Variants in CDH19 observed in about 807,000 individuals in gnomAD.
CDH19 encodes cadherin 19.
Under a neutral mutation model 64.2 loss-of-function variants are expected in CDH19, and 67 were observed. The ratio of observed to expected loss-of-function variants is 1.04; its 90% CI spans 0.86 to 1.28. The LOEUF (loss-of-function observed/expected upper bound fraction) is 1.28. Among genes scored for constraint, CDH19 ranks in the 50% most tolerant of loss-of-function variants. CDH19 has a pLI of 0.00. For missense variants in CDH19, 1,030 were observed against 929.0 expected (o/e 1.11, Z -1.41); for synonymous variants, 346 against 319.3 (o/e 1.08, Z -0.89).
chr18:66,516,326 T>C (rs1985735435), intron 9 of CDH19, among the ~76,000 whole-genome samples: 1 of 152,008 alleles, frequency 6.6e-6, no homozygotes, highest in Non-Finnish European at 1.5e-5. Context: ...GTCATGATCC[T>C]ATTGAACAAC....
intron 1 of CDH19, among the ~76,000 whole-genome samples, chr18:66,579,082 G>A (rs1490544446): frequency 6.6e-6 from 1 of 151,870 alleles, no homozygotes; most frequent in Non-Finnish European, 1.5e-5. Context: ...GAAAGTCTTA[G>A]AAGTAGAAAT....
In CDH19 at chr18:66,532,959, A is replaced by G. The variant is rs191766932; in HGVS notation, c.1336+2027T>C. Among the ~76,000 whole-genome samples the G allele has an allele frequency of 3.9e-5, 6 of 152,198 alleles. No homozygotes were observed. The East Asian group carries it at 1.2e-3, about 29-fold the overall frequency. On this transcript the variant is annotated intron_variant, in intron 8 of 11. Coordinates refer to ENST00000262150, the MANE Select transcript of CDH19 (RefSeq NM_021153.4). ...TGAGAACATGTATATATTGGATTGC[A>G]CCTGCTTGACCACATAAAAAGGTGA...
At position 66,551,268 on chromosome 18, in the gene CDH19, TATA is replaced by T. The variant is rs1455000117; in HGVS notation, c.611-13_611-11del. ...GATATTCTTATGACTCCTTTAAAAA[TATA>T]ATAAAATTCCAATTATTTCATTATT... On this transcript the variant is annotated splice_polypyrimidine_tract_variant and intron_variant, in intron 4 of 11. Coordinates refer to ENST00000262150, the MANE Select transcript of CDH19 (RefSeq NM_021153.4). 1 of 1,257,756 alleles carries T rather than the reference TATA, an allele frequency of 8.0e-7. No homozygotes were observed. Among genetic ancestry groups the T allele is most frequent in the Non-Finnish European group, 1.2e-6 (1 of 866,342 alleles). The allele number at this position is 1,257,756 out of a possible 1,614,324, so 77.9% of individuals were successfully genotyped here.
At chr18:66,571,788 C>A (rs1433967440) in intron 2 of CDH19, among the ~76,000 whole-genome samples, 1 of 151,512 alleles carries the variant, frequency 6.6e-6, no homozygotes, top group Non-Finnish European at 1.5e-5. Context: ...CATTTTCATA[C>A]GGGATACTGA....
chr18:66,544,714 T>A lies in CDH19; in HGVS notation c.960+5A>T, dbSNP rs1987034437. 1.9e-6 allele frequency: 3 copies of A among 1,582,830 alleles called. No individual in the cohort carries two copies. The highest frequency in any genetic ancestry group is 2.7e-5 in the African/African-American group (2 of 74,098). ...CTGCAAGGCAAATAATTTTAACATG[T>A]CTACCTTTTTTAATATAACTATTCC... On this transcript the variant is annotated splice_donor_5th_base_variant and intron_variant, in intron 6 of 11. Transcript: ENST00000262150.
intron 1 of CDH19, among the ~76,000 whole-genome samples, chr18:66,601,801 G>C (rs1989043770): frequency 6.8e-6 from 1 of 146,166 alleles, no homozygotes; most frequent in Non-Finnish European, 1.5e-5. Context: ...TCTCTCAATT[G>C]AAAGGTGGTG....
intron 11 of CDH19, 124 bp from the exon 12 acceptor site, chr18:66,505,426 A>G (rs1250061850): frequency 5.3e-6 from 4 of 751,530 alleles, no homozygotes; most frequent in African/African-American, 1.8e-5. Flanking sequence ...ACAAAAAGAT[A>G]CATTTGTTAT....
chr18:66,590,038 C>T (rs948587039), intron 1 of CDH19, among the ~76,000 whole-genome samples: 1 of 151,856 alleles, frequency 6.6e-6, no homozygotes, highest in African/African-American at 2.4e-5. Context: ...ATACCTCAAT[C>T]TTTAAATAAA....
intron 9 of CDH19, among the ~76,000 whole-genome samples, chr18:66,527,104 A>G (rs1986253499): frequency 6.6e-6 from 1 of 151,180 alleles, no homozygotes; most frequent in South Asian, 2.1e-4. Context: ...GCAAGCTTAA[A>G]TATTGAATGA....
chr18:66,509,530 T>TA (rs1360292462), intron 10 of CDH19, among the ~76,000 whole-genome samples: 2 of 151,778 alleles, frequency 1.3e-5, no homozygotes, highest in Non-Finnish European at 2.9e-5. Context: ...CTTATTTAGT[T>TA]AAAGTATTTA....
chr18:66,577,412 C>A lies in CDH19; in HGVS notation c.-112-5096G>T, dbSNP rs1489700009. Among the ~76,000 whole-genome samples the A allele has an allele frequency of 2.6e-5, 4 of 151,746 alleles. No individual in the cohort carries two copies. The East Asian group carries it at 5.8e-4, about 22-fold the overall frequency. ...TTAGTAGAACAAACCACAAAGTGTA[C>A]AAATACACCTACATTTATGTGATCA... On this transcript the variant is annotated intron_variant, in intron 1 of 11. Transcript: ENST00000262150.
chr18:66,529,345 T>G (rs1986345298), intron 9 of CDH19, among the ~76,000 whole-genome samples: 1 of 151,234 alleles, frequency 6.6e-6, no homozygotes, highest in Non-Finnish European at 1.5e-5. Flanking sequence ...AAAAAAAACT[T>G]AAATGTGACT....
intron 3 of CDH19, among the ~76,000 whole-genome samples, 199 bp downstream of exon 3, chr18:66,568,216 AT>A (rs895937639): frequency 2.6e-5 from 4 of 151,830 alleles, no homozygotes; most frequent in African/African-American, 9.7e-5. Context: ...AGGCTGAGAT[AT>A]TTTAATAACA....
intron 1 of CDH19, among the ~76,000 whole-genome samples, chr18:66,589,200 C>T (rs990456266): frequency 2.0e-5 from 3 of 150,398 alleles, no homozygotes; most frequent in African/African-American, 7.3e-5. Context: ...ATGTTTATCA[C>T]GTAAATTATA....
At chr18:66,520,742 G>T (rs1051331373) in intron 9 of CDH19, among the ~76,000 whole-genome samples, 3 of 151,866 alleles carry the variant, frequency 2.0e-5, no homozygotes, top group Admixed American at 6.6e-5. Context: ...ACAATTCAAA[G>T]AATTTTCCTT....
intron 5 of CDH19, 151 bp from the exon 6 acceptor site, chr18:66,545,054 C>G: frequency 1.9e-6 from 1 of 537,706 alleles, no homozygotes; most frequent in Non-Finnish European, 3.1e-6. Context: ...TCTCGGTTCA[C>G]TGCAATCTCT....
intron 3 of CDH19, among the ~76,000 whole-genome samples, chr18:66,555,167 C>T (rs1020160627): frequency 2.0e-5 from 3 of 151,734 alleles, no homozygotes; most frequent in Admixed American, 6.6e-5. Flanking sequence ...ATTATGTATA[C>T]ATTTAAAATT....
At chr18:66,563,002 T>C (rs1171584170) in intron 3 of CDH19, among the ~76,000 whole-genome samples, 1 of 152,138 alleles carries the variant, frequency 6.6e-6, no homozygotes, top group African/African-American at 2.4e-5. Context: ...CTCATGCAGA[T>C]GTTTAACATG....
At chr18:66,590,195 C>A (rs952748126) in intron 1 of CDH19, among the ~76,000 whole-genome samples, 2 of 151,654 alleles carry the variant, frequency 1.3e-5, no homozygotes, top group African/African-American at 4.8e-5. Flanking sequence ...TTTTAACAAG[C>A]CTCAAAGATG....
Sources: gnomAD v4.1 joint callset for allele counts (sites outside exome capture counted in the v4.1 genomes callset) on GRCh38, gnomAD v4.1.1 for gene constraint, MANE v1.5 for transcripts, NCBI Gene and HGNC (gene_info 2026-07-23, HGNC 2026-07-21) for gene names.